Variants in CPS1 observed in about 807,000 individuals in gnomAD.
CPS1 encodes carbamoyl-phosphate synthase [ammonia], mitochondrial.
CPS1 carries 109 observed loss-of-function variants against 174.6 expected under a neutral mutation model. That is an observed-to-expected ratio of 0.62 (90% confidence interval 0.53 to 0.73). The LOEUF is 0.73. CPS1 is among the 30% of genes least tolerant of loss of function. The pLI, the probability that CPS1 is intolerant of heterozygous loss-of-function variation, is 0.00. For missense variants in CPS1, 1,689 were observed against 1,821.9 expected (o/e 0.93, Z 1.33); for synonymous variants, 637 against 632.0 (o/e 1.01, Z -0.12).
chr2:210,668,222 C>T lies in CPS1; in HGVS notation c.4039C>T (p.Leu1347=). ...CFGEGIHTAF[L]KAMLSTGFKI... is the part of the protein sequence containing the mutation. The stretch of plus-strand genomic sequence containing the variant: ...TGGTGAAGGTATTCATACAGCCTTC[C>T]TAAAGGCAATGCTTTCCACAGGATT... The change falls in exon 34 of 38, where the codon CTA becomes TTA. Residue 1347 remains leucine, a synonymous_variant. Transcript: ENST00000233072. 1 of 1,613,726 alleles carries T rather than the reference C, an allele frequency of 6.2e-7. No homozygotes were observed. The highest frequency in any genetic ancestry group is 1.1e-5 in the South Asian group (1 of 91,062).
In CPS1 at chr2:210,602,289, A is replaced by T. The variant is rs1357647633; in HGVS notation, c.1795A>T (p.Ile599Phe). Reference protein sequence around the residue: ...AYALGGLGSGICPNRETLMDL... With the variant: ...AYALGGLGSGFCPNRETLMDL... ...TGCACTGGGTGGGTTAGGCTCAGGC[A>T]TCTGTCCCAACAGAGAGACTTTGAT... The change falls in exon 16 of 38, where the codon ATC becomes TTC. Residue 599 changes from isoleucine (I) to phenylalanine (F), a missense_variant. Transcript: ENST00000233072. 6.2e-7 allele frequency: 1 copy of T among 1,612,714 alleles called. No homozygotes were observed.
intron 24 of CPS1, among the ~76,000 whole-genome samples, chr2:210,641,674 G>C (rs2105900630): frequency 6.6e-6 from 1 of 152,298 alleles, no homozygotes. Flanking sequence ...TATTCATGCA[G>C]TAATTCTGCA....
intron 4 of CPS1, among the ~76,000 whole-genome samples, chr2:210,578,614 A>G (rs1439343059): frequency 6.6e-6 from 1 of 152,090 alleles, no homozygotes; most frequent in Non-Finnish European, 1.5e-5. Context: ...ATGGGGGCTA[A>G]ACATTGCTGC....
At chr2:210,495,532 C>T (rs989790497) in intron 1 of CPS1, among the ~76,000 whole-genome samples, 8 of 152,184 alleles carry the variant, frequency 5.3e-5, no homozygotes, top group African/African-American at 1.9e-4. Flanking sequence ...ACTCTGTCCC[C>T]AGCTTTTCTT....
intron 1 of CPS1, among the ~76,000 whole-genome samples, chr2:210,570,346 CA>C (rs1697434250): frequency 6.6e-6 from 1 of 151,742 alleles, no homozygotes; most frequent in Non-Finnish European, 1.5e-5. Flanking sequence ...AGATGGAAAG[CA>C]AAATAGAAAA....
At chr2:210,535,786 A>T (rs942697368) in intron 1 of CPS1, among the ~76,000 whole-genome samples, 2 of 151,586 alleles carry the variant, frequency 1.3e-5, no homozygotes, top group Non-Finnish European at 1.5e-5. Flanking sequence ...ACATGTACTT[A>T]AAAAAAGTTT....
rs1429067480 is a variant in CPS1 at position 210,582,710 on chromosome 2, G to A, written c.621+1G>A. The A allele has an allele frequency of 1.9e-6, 3 of 1,606,342 alleles. No homozygotes were observed. Among genetic ancestry groups the A allele is most frequent in the Middle Eastern group, 1.7e-4 (1 of 6,038 alleles). On this transcript the variant is annotated splice_donor_variant, in intron 6 of 37. Coordinates refer to ENST00000233072, the MANE Select transcript of CPS1 (RefSeq NM_001875.5). LOFTEE classifies it high-confidence loss of function. Reference sequence around the variant, plus strand: ...TTTGATTGCTGAGGTTTCAACCAAGGTGAGGGGTTTTCCTTTATATTTTGT... The same window carrying A: ...TTTGATTGCTGAGGTTTCAACCAAGATGAGGGGTTTTCCTTTATATTTTGT...
chr2:210,488,442 C>G (rs1433939340), intron 1 of CPS1, among the ~76,000 whole-genome samples: 2 of 152,186 alleles, frequency 1.3e-5, no homozygotes, highest in African/African-American at 4.8e-5. Flanking sequence ...CAGACCCATA[C>G]AGTGAAAACT....
rs182967260 is a variant in CPS1 at position 210,594,651 on chromosome 2, C to T, written c.1263+45C>T. On this transcript the variant is annotated intron_variant, in intron 12 of 37. Coordinates refer to ENST00000233072, the MANE Select transcript of CPS1 (RefSeq NM_001875.5). The stretch of plus-strand genomic sequence containing the variant: ...TTTGGTTTATGAATTTTGGATTGTC[C>T]CTATCACATGAAGATTTTTAAAAAC... 188 of 1,369,746 alleles carry T rather than the reference C, an allele frequency of 1.4e-4. 1 individual carries two copies. Among genetic ancestry groups the T allele is most frequent in the Middle Eastern group, 1.1e-3 (6 of 5,574 alleles). The allele number at this position is 1,369,746 out of a possible 1,614,324, so 84.8% of individuals were successfully genotyped here.
chr2:210,586,333 C>T (rs1574555781), intron 6 of CPS1, among the ~76,000 whole-genome samples: 1 of 151,974 alleles, frequency 6.6e-6, no homozygotes, highest in Admixed American at 6.6e-5. Flanking sequence ...ATACTCACTT[C>T]TGATTTTTAA....
In CPS1 at chr2:210,675,763, C is replaced by A. The variant is rs548201746; in HGVS notation, c.4197C>A (p.Asn1399Lys). 2 of 1,608,044 alleles carry A rather than the reference C, an allele frequency of 1.2e-6. No homozygotes were observed. The change falls in exon 36 of 38, where the codon AAC becomes AAA. Residue 1399 changes from asparagine to lysine, a missense_variant. Asn to Lys is a moderately conservative substitution (Grantham distance 94). Transcript: ENST00000233072. ...CGGAAGCCACATCAGACTGGCTCAA[C>A]GCCAACAATGTCCCTGCCACCCCAG... The part of the protein sequence containing the change: ...FATEATSDWL[N>K]ANNVPATPVA...
chr2:210,595,676 C>A, intron 13 of CPS1, 94 bp downstream of exon 13: 1 of 863,024 alleles, frequency 1.2e-6, no homozygotes, highest in Non-Finnish European at 1.9e-6. Context: ...TACCTCTTTT[C>A]AAAGTTGCTA....
rs891257995 is a variant in CPS1, at chr2:210,551,394, A to C, written c.4-5325A>C. Reference sequence around the variant, plus strand: ...ATGTGTATGCACATAACATTGGCCTAGAATATATACTCCATGCTGTTGAAT... The same window carrying C: ...ATGTGTATGCACATAACATTGGCCTCGAATATATACTCCATGCTGTTGAAT... On this transcript the variant is annotated intron_variant, in intron 1 of 38. Coordinates refer to the CPS1 transcript ENST00000430249. Among the ~76,000 whole-genome samples the C allele has an allele frequency of 2.0e-5, 3 of 152,130 alleles. No homozygotes were observed. The South Asian group carries it at 6.2e-4, about 31-fold the overall frequency.
At chr2:210,522,917 A>T (rs1400682851) in intron 1 of CPS1, among the ~76,000 whole-genome samples, 3 of 152,016 alleles carry the variant, frequency 2.0e-5, no homozygotes, top group Admixed American at 6.6e-5. Flanking sequence ...AATTAAATTA[A>T]GTGAAAAAAT....
At chr2:210,643,985 G>A (rs1169423114) in intron 25 of CPS1, among the ~76,000 whole-genome samples, 1 of 151,952 alleles carries the variant, frequency 6.6e-6, no homozygotes, top group African/African-American at 2.4e-5. Context: ...TAGTATCTGT[G>A]ATATAAATGT....
chr2:210,587,973 A>G (rs1698163549), intron 6 of CPS1, 85 bp from the exon 7 acceptor site: 9 of 1,191,898 alleles, frequency 7.6e-6, no homozygotes, highest in Non-Finnish European at 1.1e-5. Flanking sequence ...ATCTAAGTTC[A>G]AAACATTGTC....
intron 24 of CPS1, 146 bp from the exon 25 acceptor site, chr2:210,642,338 G>A: frequency 1.1e-6 from 1 of 943,614 alleles, no homozygotes; most frequent in Non-Finnish European, 1.6e-6. Flanking sequence ...TCATGGGTTT[G>A]AAATTTATAT....
At chr2:210,608,626 T>A in intron 19 of CPS1, 67 bp downstream of exon 19, 1 of 1,513,396 alleles carries the variant, frequency 6.6e-7, no homozygotes, top group Non-Finnish European at 9.2e-7. Context: ...GTGACACCAT[T>A]GACAGTGTTA....
intron 1 of CPS1, among the ~76,000 whole-genome samples, chr2:210,516,403 T>C (rs1695682826): frequency 6.6e-6 from 1 of 151,840 alleles, no homozygotes; most frequent in Non-Finnish European, 1.5e-5. Context: ...TCTAACAAAC[T>C]CTTGAATTTA....
Sources: gnomAD v4.1 joint callset for allele counts (sites outside exome capture counted in the v4.1 genomes callset) on GRCh38, gnomAD v4.1.1 for gene constraint, MANE v1.5 for transcripts, NCBI Gene and HGNC (gene_info 2026-07-23, HGNC 2026-07-21) for gene names.